Variants in ABLIM1 observed in about 807,000 individuals in gnomAD.
The protein encoded by ABLIM1 is actin binding LIM protein 1, also known as actin-binding LIM protein 1.
A neutral mutation model predicts 107.0 loss-of-function variants in ABLIM1; 40 were observed. The ratio of observed to expected loss-of-function variants is 0.37; its 90% CI spans 0.29 to 0.49. ABLIM1 has a LOEUF of 0.49. Among genes scored for constraint, ABLIM1 ranks in the 20% least tolerant of loss-of-function variants. The pLI, the probability that ABLIM1 is intolerant of heterozygous loss-of-function variation, is 0.97. For synonymous variants in ABLIM1, 357 were observed against 357.3 expected (o/e 1.00, Z 0.01); for missense variants, 857 against 1,008.5 (o/e 0.85, Z 2.04).
rs191384870 is a variant in ABLIM1 at position 114,652,054 on chromosome 10, G to A, written c.244+5903C>T. Among the ~76,000 whole-genome samples the A allele has an allele frequency of 4.7e-3, 714 of 152,312 alleles. 4 individuals carry two copies. The highest frequency in any genetic ancestry group is 7.2e-3 in the South Asian group (35 of 4,828). On this transcript the variant is annotated intron_variant, in intron 1 of 22. Transcript: ENST00000533213. ...TCCTTCTTACCAACTTTCCCAGGAT[G>A]TATTTTTTATGGCTAGCTCAAACAC...
At chr10:114,746,012 G>C (rs1044607624) in intron 1 of ABLIM1, among the ~76,000 whole-genome samples, 1 of 152,026 alleles carries the variant, frequency 6.6e-6, no homozygotes, top group Non-Finnish European at 1.5e-5. Flanking sequence ...ATGTTTATTG[G>C]GTACTATGTG....
At chr10:114,795,734 TTTCTGGTTTTACCA>T in the ABLIM1 span, among the ~76,000 whole-genome samples, 27 of 151,878 alleles carry the variant, frequency 1.8e-4, no homozygotes, top group South Asian at 1.0e-3. Flanking sequence ...AGAAATTACA[TTTCTGGTTTTACCA>T]CTCAGTGGTC....
At chr10:114,656,720 T>C (rs2079542415) in intron 1 of ABLIM1, among the ~76,000 whole-genome samples, 1 of 152,224 alleles carries the variant, frequency 6.6e-6, no homozygotes, top group Non-Finnish European at 1.5e-5. Context: ...GGAATATCTA[T>C]ACGGTGAAAT....
chr10:114,669,405 C>T (rs1315952995), intron 1 of ABLIM1, among the ~76,000 whole-genome samples: 1 of 152,186 alleles, frequency 6.6e-6, no homozygotes, highest in Non-Finnish European at 1.5e-5. Context: ...TAATTAACCT[C>T]ACCTAAGAGG....
chr10:114,723,784 C>T (rs552007760), intron 1 of ABLIM1, among the ~76,000 whole-genome samples: 1 of 148,288 alleles, frequency 6.7e-6, no homozygotes, highest in Admixed American at 6.9e-5. Context: ...TTTTGTACCT[C>T]TTTATATTGT....
chr10:114,760,023 C>G (rs1453403393), intron 1 of ABLIM1, among the ~76,000 whole-genome samples: 1 of 152,106 alleles, frequency 6.6e-6, no homozygotes, highest in East Asian at 1.9e-4. Flanking sequence ...CTTTTTCCAC[C>G]CAAAAACCAT....
At chr10:114,442,826 A>G (rs2060386469) in intron 17 of ABLIM1, among the ~76,000 whole-genome samples, 1 of 144,900 alleles carries the variant, frequency 6.9e-6, no homozygotes, top group Non-Finnish European at 1.5e-5. Flanking sequence ...AAATGCTTGC[A>G]TGGAGTGAAC....
intron 1 of ABLIM1, among the ~76,000 whole-genome samples, chr10:114,746,598 A>G (rs1158633968): frequency 6.6e-6 from 1 of 152,136 alleles, no homozygotes; most frequent in Non-Finnish European, 1.5e-5. Context: ...TTTGGTTCAT[A>G]TGGTAATTTT....
At chr10:114,500,548 T>C (rs1171372441) in intron 6 of ABLIM1, among the ~76,000 whole-genome samples, 2 of 151,746 alleles carry the variant, frequency 1.3e-5, no homozygotes, top group East Asian at 3.9e-4. Flanking sequence ...GGCATGGTGG[T>C]ACTTGCCTAT....
chr10:114,568,778 C>T (rs752321129), intron 4 of ABLIM1, among the ~76,000 whole-genome samples: 14 of 152,178 alleles, frequency 9.2e-5, no homozygotes, highest in Non-Finnish European at 1.8e-4. Flanking sequence ...CTTGGCCCAA[C>T]AATTTGCACA....
intron 1 of ABLIM1, among the ~76,000 whole-genome samples, chr10:114,643,966 T>C (rs996008430): frequency 1.3e-5 from 2 of 151,846 alleles, no homozygotes; most frequent in Admixed American, 6.6e-5. Context: ...GACAGACTGA[T>C]GAATAAATAA....
At chr10:114,790,383 CT>C in the ABLIM1 span, among the ~76,000 whole-genome samples, 2 of 151,542 alleles carry the variant, frequency 1.3e-5, no homozygotes, top group Non-Finnish European at 2.9e-5. Context: ...AAAACATTAT[CT>C]TTAAAAGACA....
At chr10:114,655,545 G>A (rs995810691) in intron 1 of ABLIM1, among the ~76,000 whole-genome samples, 15 of 152,194 alleles carry the variant, frequency 9.9e-5, no homozygotes, top group African/African-American at 3.4e-4. Context: ...TAAAGTGTTA[G>A]CTCCAGCAGA....
chr10:114,589,555 A>C (rs11196794), intron 2 of ABLIM1, among the ~76,000 whole-genome samples: 2 of 149,444 alleles, frequency 1.3e-5, no homozygotes, highest in South Asian at 4.2e-4. Flanking sequence ...AGAGAGAGAG[A>C]GGGGCTTGGT....
chr10:114,768,795 A>T (rs769397895), upstream of ABLIM1, among the ~76,000 whole-genome samples: 6 of 152,236 alleles, frequency 3.9e-5, no homozygotes, highest in South Asian at 2.1e-4. Flanking sequence ...GATTTACTGC[A>T]TCAACTCTGA....
intron 1 of ABLIM1, among the ~76,000 whole-genome samples, chr10:114,762,966 C>G (rs960119055): frequency 1.3e-5 from 2 of 152,166 alleles, no homozygotes; most frequent in African/African-American, 4.8e-5. Context: ...CCGAAAACAA[C>G]GTTAGCAAAA....
chr10:114,503,971 T>C (rs1453652728), intron 6 of ABLIM1, among the ~76,000 whole-genome samples: 8 of 152,214 alleles, frequency 5.3e-5, no homozygotes, highest in Non-Finnish European at 1.0e-4. Flanking sequence ...AATTCCTAAA[T>C]TGACCTGATA....
intron 6 of ABLIM1, among the ~76,000 whole-genome samples, chr10:114,544,179 G>A (rs1400344672): frequency 6.6e-6 from 1 of 152,232 alleles, no homozygotes; most frequent in Non-Finnish European, 1.5e-5. Flanking sequence ...AAGATGACAA[G>A]CTGCAGCACC....
intron 1 of ABLIM1, among the ~76,000 whole-genome samples, chr10:114,709,354 C>T (rs1431302223): frequency 1.3e-5 from 2 of 152,182 alleles, no homozygotes; most frequent in African/African-American, 4.8e-5. Flanking sequence ...AAAAATCTTC[C>T]AGCCATCAGA....
Sources: allele counts gnomAD v4.1 joint callset (sites outside exome capture counted in the v4.1 genomes callset), GRCh38; gene constraint gnomAD v4.1.1; transcripts MANE v1.5; gene names NCBI Gene and HGNC (gene_info 2026-07-23, HGNC 2026-07-21).